The following PRKG1 variants were observed in gnomAD, a reference collection of about 807,000 sequenced individuals.
The protein encoded by PRKG1 is protein kinase cGMP-dependent 1.
In PRKG1, 35 loss-of-function variants were observed where a neutral mutation model predicts 88.1. The observed-to-expected ratio is 0.40, with a 90% CI of 0.30 to 0.53. The LOEUF is 0.53. Among genes scored for constraint, PRKG1 ranks in the 20% least tolerant of loss-of-function variants. The pLI, the probability that PRKG1 is intolerant of heterozygous loss-of-function variation, is 0.59. For synonymous variants in PRKG1, 303 were observed against 292.5 expected, an observed-to-expected ratio of 1.04 and a Z score of -0.37; for missense variants, 540 against 839.8, an observed-to-expected ratio of 0.64 and a Z score of 4.41.
chr10:51,226,595 A>G (rs1838699636), intron 2 of PRKG1, among the ~76,000 whole-genome samples: 1 of 152,240 alleles, frequency 6.6e-6, no homozygotes, highest in Non-Finnish European at 1.5e-5. Context: ...TATGTTTATT[A>G]ATAAATTCAC....
At chr10:52,232,288 G>A (rs1840544320) in intron 9 of PRKG1, among the ~76,000 whole-genome samples, 1 of 151,860 alleles carries the variant, frequency 6.6e-6, no homozygotes, top group Admixed American at 6.6e-5. Context: ...GGGCGACAGA[G>A]CTAGACTCCA....
At chr10:51,936,908 G>C (rs1448631812) in intron 5 of PRKG1, among the ~76,000 whole-genome samples, 3 of 151,982 alleles carry the variant, frequency 2.0e-5, no homozygotes, top group Admixed American at 2.0e-4. Flanking sequence ...CTTTTTAGAT[G>C]ACAGTTCTCA....
At chr10:51,032,984 G>A (rs10822142) in intron 1 of PRKG1, among the ~76,000 whole-genome samples, 36,366 of 151,890 alleles carry the variant, frequency 0.24, 4,444 homozygotes, top group Non-Finnish European at 0.26. Flanking sequence ...CTATGCCGAC[G>A]TATCTTATTT....
chr10:51,671,798 G>A (rs887905854), intron 3 of PRKG1, among the ~76,000 whole-genome samples: 1 of 152,112 alleles, frequency 6.6e-6, no homozygotes, highest in African/African-American at 2.4e-5. Context: ...GTGTTAGCCA[G>A]GATGGTCTTG....
At chr10:52,048,006 G>A (rs1193718750) in intron 5 of PRKG1, among the ~76,000 whole-genome samples, 3 of 151,956 alleles carry the variant, frequency 2.0e-5, no homozygotes, top group African/African-American at 7.2e-5. Context: ...AGATATACAT[G>A]TATATGTATA....
intron 3 of PRKG1, among the ~76,000 whole-genome samples, chr10:51,492,058 T>C (rs1376411554): frequency 6.6e-6 from 1 of 152,150 alleles, no homozygotes; most frequent in African/African-American, 2.4e-5. Context: ...TGCCACTCTC[T>C]AATCTAAGTC....
intron 5 of PRKG1, among the ~76,000 whole-genome samples, chr10:51,950,020 C>T (rs969079528): frequency 6.6e-6 from 1 of 152,172 alleles, no homozygotes; most frequent in African/African-American, 2.4e-5. Flanking sequence ...AGCTTCCTGT[C>T]ACCAAAGGCA....
intron 4 of PRKG1, among the ~76,000 whole-genome samples, chr10:51,877,335 A>G (rs984100961): frequency 2.0e-5 from 3 of 152,228 alleles, no homozygotes; most frequent in Non-Finnish European, 2.9e-5. Context: ...ACAACTTTAA[A>G]CAACCCGATA....
intron 1 of PRKG1, among the ~76,000 whole-genome samples, chr10:51,043,633 T>C (rs1036297434): frequency 4.6e-5 from 7 of 152,170 alleles, no homozygotes; most frequent in African/African-American, 1.7e-4. Flanking sequence ...AGCTCCTCCA[T>C]TATATTGTGA....
At chr10:51,556,734 G>C (rs890132649) in intron 3 of PRKG1, among the ~76,000 whole-genome samples, 3 of 152,006 alleles carry the variant, frequency 2.0e-5, no homozygotes, top group African/African-American at 7.2e-5. Context: ...GAGGAAGGCA[G>C]GAGGGGGATC....
rs191025974 is a variant in PRKG1, at chr10:51,610,089, G to A, written c.592+142253G>A. 2.0e-3 allele frequency among the ~76,000 whole-genome samples: 301 copies of A among 152,258 alleles called. 1 individual carries two copies. The highest frequency in any genetic ancestry group is 6.8e-3 in the African/African-American group (283 of 41,532). ...ATAGAATGTATAATGATTAAGTCAGGACATTTAGGGTATCTATCACATGAG... is the reference window on the plus strand; with the variant it reads ...ATAGAATGTATAATGATTAAGTCAGAACATTTAGGGTATCTATCACATGAG... On this transcript the variant is annotated intron_variant, in intron 3 of 17. Transcript: ENST00000373980.
chr10:51,173,780 A>C (rs1285064741), intron 2 of PRKG1, among the ~76,000 whole-genome samples: 1 of 151,868 alleles, frequency 6.6e-6, no homozygotes, highest in Admixed American at 6.6e-5. Context: ...GAGCTAAAAA[A>C]ATAATCAAAT....
chr10:51,921,393 T>A (rs1842459911), intron 5 of PRKG1, among the ~76,000 whole-genome samples: 1 of 152,060 alleles, frequency 6.6e-6, no homozygotes, highest in Non-Finnish European at 1.5e-5. Flanking sequence ...CCCATCTGTC[T>A]CTCTTTTATT....
chr10:51,195,706 G>T (rs1837745046), intron 2 of PRKG1, among the ~76,000 whole-genome samples: 1 of 152,244 alleles, frequency 6.6e-6, no homozygotes, highest in Admixed American at 6.5e-5. Flanking sequence ...GACTATGGTT[G>T]TTCGGGTATA....
rs146646271 is a variant in PRKG1, at chr10:51,904,808, G to A, written c.699-2699G>A. Among the ~76,000 whole-genome samples, 1,207 of 152,196 alleles carry A rather than the reference G, an allele frequency of 7.9e-3. 17 individuals are homozygous for A. Among genetic ancestry groups the A allele is most frequent in the African/African-American group, 0.025 (1,047 of 41,532 alleles). On this transcript the variant is annotated intron_variant, in intron 4 of 17. Coordinates refer to ENST00000373980, the MANE Select transcript of PRKG1 (RefSeq NM_006258.4). ...TTGTGAAAGATGATATATTTAAAAT[G>A]CCATCCTAAAACCTGATGCTTTTGT...
chr10:52,293,729 A>T, intron 17 of PRKG1, 73 bp from the exon 18 acceptor site: 1 of 1,194,982 alleles, frequency 8.4e-7, no homozygotes, highest in East Asian at 2.3e-5. Context: ...TAAATACAGA[A>T]TGCACTTAAA....
chr10:51,635,410 A>G (rs1404166122), intron 3 of PRKG1, among the ~76,000 whole-genome samples: 1 of 152,140 alleles, frequency 6.6e-6, no homozygotes, highest in Non-Finnish European at 1.5e-5. Context: ...TGTATTCAAA[A>G]TAAGAGCAAA....
intron 9 of PRKG1, among the ~76,000 whole-genome samples, chr10:52,245,647 C>T (rs1841003327): frequency 2.0e-5 from 3 of 151,956 alleles, no homozygotes; most frequent in African/African-American, 7.2e-5. Flanking sequence ...AAGAATTGAT[C>T]GATCTAAACT....
At chr10:51,416,393 A>G (rs1033441354) in intron 2 of PRKG1, among the ~76,000 whole-genome samples, 7 of 152,188 alleles carry the variant, frequency 4.6e-5, no homozygotes, top group Non-Finnish European at 8.8e-5. Context: ...TACCAGCCAA[A>G]TATAATGAAA....
Sources: allele counts gnomAD v4.1 joint callset (sites outside exome capture counted in the v4.1 genomes callset), GRCh38; gene constraint gnomAD v4.1.1; transcripts MANE v1.5; gene names NCBI Gene and HGNC (gene_info 2026-07-23, HGNC 2026-07-21).